The following HAVCR2 variants were observed in gnomAD, a reference collection of about 807,000 sequenced individuals.
The protein encoded by HAVCR2 is hepatitis A virus cellular receptor 2, also known as T cell immunoglobulin mucin 3.
In HAVCR2, 13 loss-of-function variants were observed where a neutral mutation model predicts 24.7. The ratio of observed to expected loss-of-function variants is 0.53; its 90% CI spans 0.34 to 0.84. The LOEUF is 0.84. Among genes scored for constraint, HAVCR2 ranks in the 40% least tolerant of loss-of-function variants. HAVCR2 has a pLI of 0.01. For synonymous variants in HAVCR2, 154 were observed against 143.4 expected (o/e 1.07, Z -0.53); for missense variants, 343 against 371.2 (o/e 0.92, Z 0.62).
chr5:157,096,913 C>A (rs1204385451), intron 4 of HAVCR2, among the ~76,000 whole-genome samples: 5 of 148,390 alleles, frequency 3.4e-5, no homozygotes, highest in Non-Finnish European at 5.9e-5. Context: ...AATATTGAGA[C>A]CCCATTTATA....
At chr5:157,100,495 G>T (rs1354271486) in intron 3 of HAVCR2, among the ~76,000 whole-genome samples, 1 of 152,206 alleles carries the variant, frequency 6.6e-6, no homozygotes, top group Non-Finnish European at 1.5e-5. Context: ...AGGGGACAGA[G>T]CAGGAAACAA....
chr5:157,094,608 C>T (rs6887377), intron 5 of HAVCR2, among the ~76,000 whole-genome samples: 4,327 of 151,806 alleles, frequency 0.029, 93 homozygotes, highest in Non-Finnish European at 0.045. Flanking sequence ...GTCTCGAACT[C>T]CTGACCTCAA....
chr5:157,108,468 T>C (rs532800137), intron 1 of HAVCR2, among the ~76,000 whole-genome samples: 2 of 149,256 alleles, frequency 1.3e-5, no homozygotes, highest in African/African-American at 2.5e-5. Flanking sequence ...GCCTGGGCAA[T>C]AGAGTGAGAC....
intron 1 of HAVCR2, 53 bp from the exon 2 acceptor site, chr5:157,107,015 C>G (rs1023161227): frequency 6.9e-7 from 1 of 1,450,400 alleles, no homozygotes; most frequent in African/African-American, 1.4e-5. Flanking sequence ...GAGGTTACTC[C>G]ATTTCAGGAA....
chr5:157,092,529 C>A (rs1389305792), intron 5 of HAVCR2, among the ~76,000 whole-genome samples: 1 of 152,006 alleles, frequency 6.6e-6, no homozygotes, highest in Non-Finnish European at 1.5e-5. Context: ...TCACTGCAAC[C>A]TCCGCCTCCT....
chr5:157,088,986 G>A lies in HAVCR2; in HGVS notation c.677-9C>T, dbSNP rs772745392. The A allele has an allele frequency of 1.3e-6, 2 of 1,599,346 alleles. No individual in the cohort carries two copies. The highest frequency in any genetic ancestry group is 4.5e-5 in the East Asian group (2 of 44,460). ...TTTGCTATGAGAATACCCTAGTAAGGGGGAAACAAAAGCCAATAAAAATGC... is the reference window on the plus strand; with the variant it reads ...TTTGCTATGAGAATACCCTAGTAAGAGGGAAACAAAAGCCAATAAAAATGC... On this transcript the variant is annotated splice_polypyrimidine_tract_variant and intron_variant, in intron 5 of 6. Coordinates refer to ENST00000307851, the MANE Select transcript of HAVCR2 (RefSeq NM_032782.5).
At chr5:157,102,986 T>C (rs556741883) in intron 3 of HAVCR2, among the ~76,000 whole-genome samples, 18 of 150,592 alleles carry the variant, frequency 1.2e-4, no homozygotes, top group Non-Finnish European at 1.5e-4. Flanking sequence ...CTTCTGTCTG[T>C]GGTAGAGACA....
chr5:157,104,960 T>G (rs112762256), intron 2 of HAVCR2: 3 of 326,516 alleles, frequency 9.2e-6, no homozygotes, highest in African/African-American at 6.4e-5. Flanking sequence ...CATTGTTACA[T>G]TCTGATTATT....
chr5:157,088,334 T>A (rs1477091987), intron 6 of HAVCR2, among the ~76,000 whole-genome samples: 1 of 152,178 alleles, frequency 6.6e-6, no homozygotes, highest in Non-Finnish European at 1.5e-5. Context: ...GTGTGTATAA[T>A]CAGGAACGAA....
At position 157,086,361 on chromosome 5, in the gene HAVCR2, A is replaced by T. The variant is rs556566419; in HGVS notation, c.*741T>A. Reference sequence around the variant, plus strand: ...CCAGTCATCTCTTAATCTTTTAAGGATCACTGGCTGGATGTGGTGGCTCAC... The same window carrying T: ...CCAGTCATCTCTTAATCTTTTAAGGTTCACTGGCTGGATGTGGTGGCTCAC... On this transcript the variant is annotated 3_prime_UTR_variant, in exon 7 of 7. Coordinates refer to ENST00000307851, the MANE Select transcript of HAVCR2 (RefSeq NM_032782.5). 20 of 152,374 alleles carry T rather than the reference A, an allele frequency of 1.3e-4. No individual in the cohort carries two copies. Among genetic ancestry groups the T allele is most frequent in the African/African-American group, 4.6e-4 (19 of 41,578 alleles). The allele number at this position is 152,374 out of a possible 1,614,324, so 9.4% of individuals were successfully genotyped here.
intron 2 of HAVCR2, among the ~76,000 whole-genome samples, chr5:157,105,089 A>T (rs1757227135): frequency 6.8e-6 from 1 of 147,882 alleles, no homozygotes; most frequent in African/African-American, 2.5e-5. Context: ...TTTGAAACGG[A>T]GTTTTGCTCT....
At position 157,103,148 on chromosome 5, in the gene HAVCR2, G is replaced by A. The variant is rs182627529; in HGVS notation, c.478+1518C>T. Among the ~76,000 whole-genome samples the A allele has an allele frequency of 8.9e-3, 1,355 of 152,150 alleles. 25 individuals are homozygous for A. Among genetic ancestry groups the A allele is most frequent in the African/African-American group, 0.031 (1,300 of 41,526 alleles). ...GGAGGCCGAGGCGGGAGGATCACAA[G>A]GTCAGGAGATGGAGACCATCCTGGC... is the stretch of plus-strand genomic sequence containing the variant. On this transcript the variant is annotated intron_variant, in intron 3 of 6. Coordinates refer to ENST00000307851, the MANE Select transcript of HAVCR2 (RefSeq NM_032782.5).
intron 2 of HAVCR2, 175 bp from the exon 3 acceptor site, chr5:157,104,924 G>A (rs1757224807): frequency 2.2e-6 from 1 of 449,520 alleles, no homozygotes; most frequent in Non-Finnish European, 4.0e-6. Context: ...CACTTCAAAT[G>A]TTTGACAAAG....
chr5:157,099,115 A>G (rs1015741398), intron 3 of HAVCR2, among the ~76,000 whole-genome samples: 1 of 152,210 alleles, frequency 6.6e-6, no homozygotes, highest in East Asian at 1.9e-4. Flanking sequence ...ACATTTTTTC[A>G]TCTAGATAAT....
At chr5:157,093,086 T>TAC (rs201175253) in intron 5 of HAVCR2, among the ~76,000 whole-genome samples, 3,675 of 141,148 alleles carry the variant, frequency 0.026, 162 homozygotes, top group African/African-American at 0.1. Flanking sequence ...AATAAATATA[T>TAC]ATATATATGT....
rs561460102 is a variant in HAVCR2 at position 157,105,284 on chromosome 5, G to A, written c.395-535C>T. On this transcript the variant is annotated intron_variant, in intron 2 of 6. Coordinates refer to ENST00000307851, the MANE Select transcript of HAVCR2 (RefSeq NM_032782.5). Reference sequence around the variant, plus strand: ...TCTCCATGTTGGTCAGACTGGTCTCGAACTCCCGACCTCAGGTGATCCACC... The same window carrying A: ...TCTCCATGTTGGTCAGACTGGTCTCAAACTCCCGACCTCAGGTGATCCACC... Among the ~76,000 whole-genome samples, 9 of 152,134 alleles carry A rather than the reference G, an allele frequency of 5.9e-5. No homozygotes were observed. In the South Asian group the frequency reaches 1.0e-3, roughly 18 times the overall value.
intron 2 of HAVCR2, among the ~76,000 whole-genome samples, chr5:157,105,873 T>A (rs1452154697): frequency 6.6e-6 from 1 of 151,974 alleles, no homozygotes; most frequent in Admixed American, 6.6e-5. Context: ...GTAGTGGGGT[T>A]TTTTCTTCTG....
At chr5:157,104,463 G>A (rs1757217885) in intron 3 of HAVCR2, among the ~76,000 whole-genome samples, 1 of 152,196 alleles carries the variant, frequency 6.6e-6, no homozygotes, top group South Asian at 2.1e-4. Flanking sequence ...TAAAATTTAA[G>A]TAAAATAATC....
In HAVCR2 at chr5:157,095,351, C is replaced by T; in HGVS notation, c.631G>A (p.Ala211Thr). 1 of 1,614,134 alleles carries T rather than the reference C, an allele frequency of 6.2e-7. No individual in the cohort carries two copies. Among genetic ancestry groups the T allele is most frequent in the Non-Finnish European group, 8.5e-7 (1 of 1,180,022 alleles). The change falls in exon 5 of 7, where the codon GCT becomes ACT. Residue 211 changes from alanine (A) to threonine (T), a missense_variant. Coordinates refer to ENST00000307851, the MANE Select transcript of HAVCR2 (RefSeq NM_032782.5). ...AAGATAAGAGCCAGAGCCAGCCCAG[C>T]ACAGATCCCTGCTCCGATGTAGATG... ...IGIYIGAGIC[A>T]GLALALIFGA...
Sources: gnomAD v4.1 joint callset for allele counts (sites outside exome capture counted in the v4.1 genomes callset) on GRCh38, gnomAD v4.1.1 for gene constraint, MANE v1.5 for transcripts, NCBI Gene and HGNC (gene_info 2026-07-23, HGNC 2026-07-21) for gene names.